DPP10: variants seen among roughly 807,000 people sequenced by gnomAD.
DPP10 encodes inactive dipeptidyl peptidase 10.
In DPP10, 33 loss-of-function variants were observed where a neutral mutation model predicts 120.9. The ratio of observed to expected loss-of-function variants is 0.27; its 90% CI spans 0.21 to 0.37. The LOEUF (loss-of-function observed/expected upper bound fraction) is 0.37, where lower values mean the gene tolerates loss of function less well. Ranked by LOEUF, DPP10 falls within the 10% of genes least tolerant of loss-of-function variation. The pLI is 1.00. For missense variants in DPP10, 816 were observed against 942.8 expected, an observed-to-expected ratio of 0.87 and a Z score of 1.76; for synonymous variants, 337 against 326.1, an observed-to-expected ratio of 1.03 and a Z score of -0.36.
chr2:114,731,025 G>A (rs1407478958), intron 1 of DPP10, among the ~76,000 whole-genome samples: 4 of 151,894 alleles, frequency 2.6e-5, no homozygotes, highest in African/African-American at 9.7e-5. Context: ...GGGAATGGAT[G>A]TGAAGAACAC....
At chr2:115,069,306 G>A (rs1707178533) in intron 1 of DPP10, among the ~76,000 whole-genome samples, 1 of 151,876 alleles carries the variant, frequency 6.6e-6, no homozygotes, top group African/African-American at 2.4e-5. Flanking sequence ...ACTGTGAATG[G>A]GATTGCTTCC....
intron 8 of DPP10, among the ~76,000 whole-genome samples, 163 bp from the exon 9 acceptor site, chr2:115,739,576 T>C (rs1676997748): frequency 1.3e-5 from 2 of 152,078 alleles, no homozygotes; most frequent in Admixed American, 6.6e-5. Flanking sequence ...TTCCTGGAAT[T>C]AAAAGGGTGA....
chr2:114,768,491 A>C (rs1263788404), intron 1 of DPP10, among the ~76,000 whole-genome samples: 1 of 152,204 alleles, frequency 6.6e-6, no homozygotes, highest in Non-Finnish European at 1.5e-5. Flanking sequence ...GATCAGTGTT[A>C]AAGTGTTTTA....
intron 1 of DPP10, among the ~76,000 whole-genome samples, chr2:115,052,951 CAAAAAA>C: frequency 8.2e-6 from 1 of 122,020 alleles, no homozygotes; most frequent in East Asian, 2.3e-4. Flanking sequence ...GACTCCATCT[CAAAAAA>C]AAAAAAAAAA....
intron 1 of DPP10, among the ~76,000 whole-genome samples, chr2:115,199,691 T>G (rs1236357955): frequency 6.6e-6 from 1 of 152,194 alleles, no homozygotes; most frequent in Admixed American, 6.5e-5. Flanking sequence ...ATTCATTATC[T>G]TTTTGTTTAT....
At chr2:115,183,264 C>T (rs528839930) in intron 1 of DPP10, among the ~76,000 whole-genome samples, 5 of 151,804 alleles carry the variant, frequency 3.3e-5, no homozygotes, top group South Asian at 2.1e-4. Context: ...TTTTTATTCA[C>T]GGTATAAATT....
intron 16 of DPP10, among the ~76,000 whole-genome samples, chr2:115,781,312 G>T (rs964299115): frequency 1.3e-5 from 2 of 151,896 alleles, no homozygotes; most frequent in Middle Eastern, 3.4e-3. Flanking sequence ...AATTTACCTA[G>T]TCTTCAGAAA....
intron 19 of DPP10, among the ~76,000 whole-genome samples, chr2:115,807,011 T>TA (rs1357391945): frequency 1.3e-5 from 2 of 152,148 alleles, no homozygotes; most frequent in Non-Finnish European, 2.9e-5. Flanking sequence ...CTTTTAACCA[T>TA]GAATAATTTA....
At chr2:115,604,958 T>C (rs966954822) in intron 5 of DPP10, among the ~76,000 whole-genome samples, 3 of 152,212 alleles carry the variant, frequency 2.0e-5, no homozygotes, top group Non-Finnish European at 4.4e-5. Flanking sequence ...TAATTTGATA[T>C]ATCTTTATAA....
chr2:115,098,610 C>A (rs1453824110), intron 1 of DPP10, among the ~76,000 whole-genome samples: 2 of 152,080 alleles, frequency 1.3e-5, no homozygotes, highest in African/African-American at 4.8e-5. Flanking sequence ...GTACTATAAT[C>A]TTACGGCACC....
intron 1 of DPP10, among the ~76,000 whole-genome samples, chr2:115,239,713 A>G (rs979867383): frequency 2.0e-5 from 3 of 152,046 alleles, no homozygotes; most frequent in South Asian, 2.1e-4. Flanking sequence ...TCAACCCATC[A>G]TATACATTAG....
rs767258351 is a variant in DPP10, at chr2:115,836,495, C to T, written c.2051-12C>T. 2 of 1,609,812 alleles carry T rather than the reference C, an allele frequency of 1.2e-6. No individual in the cohort carries two copies. The highest frequency in any genetic ancestry group is 3.4e-5 in the Admixed American group (2 of 59,064). On this transcript the variant is annotated splice_polypyrimidine_tract_variant and intron_variant, in intron 22 of 25. Coordinates refer to ENST00000410059, the MANE Select transcript of DPP10 (RefSeq NM_020868.6). ...TAGTTTCTTCTCGAATGTCTGTTTT[C>T]TTGGGTCACAGCCTCAGCTTTCTCT...
intron 5 of DPP10, among the ~76,000 whole-genome samples, chr2:115,622,431 G>A (rs185149115): frequency 3.3e-5 from 5 of 151,140 alleles, no homozygotes; most frequent in African/African-American, 1.2e-4. Context: ...TTCCTCAGTG[G>A]GATCTTTGGG....
At chr2:115,842,186 ATCT>A (rs1462830133) in intron 25 of DPP10, 22 bp from the exon 26 acceptor site, 10 of 1,553,338 alleles carry the variant, frequency 6.4e-6, no homozygotes, top group South Asian at 1.2e-5. Context: ...ATAATTTGAA[ATCT>A]TCTTTCTCCT....
chr2:114,638,350 C>T lies in DPP10; in HGVS notation c.60+195512C>T, dbSNP rs573878888. On this transcript the variant is annotated intron_variant, in intron 1 of 25. Transcript: ENST00000410059. ...AAGAAACTGTCAACAGAGTAAACAA[C>T]CTACAGAATAGGAGAAAATATTTGC... 1.3e-5 allele frequency among the ~76,000 whole-genome samples: 2 copies of T among 151,804 alleles called. 1 individual carries two copies. Among genetic ancestry groups the T allele is most frequent in the African/African-American group, 4.9e-5 (2 of 41,158 alleles).
intron 1 of DPP10, among the ~76,000 whole-genome samples, chr2:114,753,022 G>T (rs1679381949): frequency 6.6e-6 from 1 of 152,148 alleles, no homozygotes; most frequent in South Asian, 2.1e-4. Flanking sequence ...TGGAGAAACA[G>T]AGTGGGGACA....
chr2:115,641,058 A>ACATATTTCC (rs1198515285), intron 5 of DPP10, among the ~76,000 whole-genome samples: 2 of 152,204 alleles, frequency 1.3e-5, no homozygotes, highest in Non-Finnish European at 2.9e-5. Context: ...TATGTATTAT[A>ACATATTTCC]TGATATACAT....
chr2:115,015,379 C>T (rs1394095553), intron 1 of DPP10, among the ~76,000 whole-genome samples: 2 of 152,262 alleles, frequency 1.3e-5, no homozygotes, highest in East Asian at 1.9e-4. Context: ...TTATGACAAA[C>T]CCACAGCCTA....
rs80072930 is a variant in DPP10, at chr2:115,521,548, A to C, written c.367-4350A>C. 2.2e-4 allele frequency among the ~76,000 whole-genome samples: 34 copies of C among 152,210 alleles called. No homozygotes were observed. In the East Asian group the frequency reaches 6.6e-3, roughly 29 times the overall value. On this transcript the variant is annotated intron_variant, in intron 4 of 25. Transcript: ENST00000410059. ...ACATTCACCCAATGATAAAAACTTGAAAACCTGGAGTTATTCTGTATACTT... is the reference window on the plus strand; with the variant it reads ...ACATTCACCCAATGATAAAAACTTGCAAACCTGGAGTTATTCTGTATACTT...
Sources: allele counts gnomAD v4.1 joint callset (sites outside exome capture counted in the v4.1 genomes callset), GRCh38; gene constraint gnomAD v4.1.1; transcripts MANE v1.5; gene names NCBI Gene and HGNC (gene_info 2026-07-23, HGNC 2026-07-21).